C17orf78: variants seen among roughly 807,000 people sequenced by gnomAD.
C17orf78 encodes chromosome 17 open reading frame 78, also known as uncharacterized protein C17orf78.
In C17orf78, 27 loss-of-function variants were observed where a neutral mutation model predicts 31.8. The ratio of observed to expected loss-of-function variants is 0.85; its 90% CI spans 0.63 to 1.17. The LOEUF (loss-of-function observed/expected upper bound fraction) is 1.17. Among genes scored for constraint, C17orf78 ranks in the 50% most tolerant of loss-of-function variants. The pLI, the probability that C17orf78 is intolerant of heterozygous loss-of-function variation, is 0.00. For missense variants in C17orf78, 258 were observed against 315.2 expected (o/e 0.82, Z 1.37); for synonymous variants, 106 against 115.1 (o/e 0.92, Z 0.51).
At chr17:37,386,652 C>T (rs1376240214) in intron 4 of C17orf78, among the ~76,000 whole-genome samples, 1 of 152,066 alleles carries the variant, frequency 6.6e-6, no homozygotes, top group Non-Finnish European at 1.5e-5. Context: ...AATTTGACAC[C>T]ATCAATGATC....
At chr17:37,380,825 G>A (rs768928427) in intron 3 of C17orf78, among the ~76,000 whole-genome samples, 6 of 151,514 alleles carry the variant, frequency 4.0e-5, no homozygotes, top group Non-Finnish European at 8.8e-5. Context: ...TCTGATCTCT[G>A]ACCTCAAGTA....
intron 3 of C17orf78, among the ~76,000 whole-genome samples, chr17:37,383,228 A>G (rs1568084527): frequency 1.3e-5 from 2 of 152,164 alleles, no homozygotes; most frequent in Non-Finnish European, 1.5e-5. Context: ...AGTGCTAGGC[A>G]TTGTGAGACT....
Position 37,391,921 on chromosome 17 carries a change from A to G in C17orf78, c.*197A>G, listed in dbSNP as rs905861484. 1.7e-6 allele frequency: 1 copy of G among 590,634 alleles called. No homozygotes were observed. The highest frequency in any genetic ancestry group is 3.0e-6 in the Non-Finnish European group (1 of 332,212). 36.6% of individuals were successfully genotyped at this position (590,634 alleles called of 1,614,324 possible). A position where few individuals can be genotyped will look rare whatever the true frequency, so the allele number is the denominator to read the frequency against. On this transcript the variant is annotated 3_prime_UTR_variant, in exon 7 of 7. Coordinates refer to ENST00000615133, the MANE Select transcript of C17orf78 (RefSeq NM_173625.5). ...CCCTATCTGAGCCACAACCTTCTGT[A>G]ATTCACTTCATACATCCATCTAAAT...
intron 1 of C17orf78, among the ~76,000 whole-genome samples, chr17:37,376,397 T>G (rs2050003252): frequency 6.6e-6 from 1 of 152,228 alleles, no homozygotes; most frequent in African/African-American, 2.4e-5. Flanking sequence ...TTCATGTAAT[T>G]AACATTAAAA....
intron 3 of C17orf78, among the ~76,000 whole-genome samples, chr17:37,381,238 C>T (rs371424085): frequency 4.5e-4 from 68 of 151,698 alleles, no homozygotes; most frequent in South Asian, 1.7e-3. Flanking sequence ...CAGGCTGGAG[C>T]GCAGTGGCGC....
intron 2 of C17orf78, 135 bp downstream of exon 2, chr17:37,378,100 G>T (rs1295802260): frequency 7.9e-6 from 6 of 755,260 alleles, no homozygotes; most frequent in African/African-American, 3.6e-5. Flanking sequence ...CTCCCAGGGG[G>T]CTTTCTGGAA....
chr17:37,390,776 G>A (rs1049851290), intron 6 of C17orf78, among the ~76,000 whole-genome samples: 1 of 151,192 alleles, frequency 6.6e-6, no homozygotes. Context: ...CTGGGAAAAA[G>A]GGTGAGACCC....
At chr17:37,379,748 T>C (rs1480366576) in intron 3 of C17orf78, among the ~76,000 whole-genome samples, 7 of 150,090 alleles carry the variant, frequency 4.7e-5, no homozygotes, top group Admixed American at 2.7e-4. Flanking sequence ...CCAGTTAGAA[T>C]GGCAATCATT....
chr17:37,387,218 C>T (rs2050579087), intron 4 of C17orf78: 1 of 152,366 alleles, frequency 6.6e-6, no homozygotes, highest in Non-Finnish European at 1.5e-5. Context: ...CTCCTGGGTT[C>T]AAGCAATTCT....
rs2050897618 is a variant in C17orf78 at position 37,391,821 on chromosome 17, CA to C, written c.*98del. The C allele has an allele frequency of 8.2e-6, 9 of 1,095,794 alleles. No individual in the cohort carries two copies. Among genetic ancestry groups the C allele is most frequent in the Non-Finnish European group, 1.2e-5 (9 of 722,994 alleles). 67.9% of individuals were successfully genotyped at this position (1,095,794 alleles called of 1,614,324 possible). A position where few individuals can be genotyped will look rare whatever the true frequency, so the allele number is the denominator to read the frequency against. Reference sequence around the variant, plus strand: ...GCCAATTTCACACTTGTATCTTCAGCAGGGACATTACAATCAAACACCAATT... The same window carrying C: ...GCCAATTTCACACTTGTATCTTCAGCGGGACATTACAATCAAACACCAATT... On this transcript the variant is annotated 3_prime_UTR_variant, in exon 7 of 7. Coordinates refer to ENST00000615133, the MANE Select transcript of C17orf78 (RefSeq NM_173625.5).
chr17:37,389,175 C>A (rs1314298501), intron 5 of C17orf78, 71 bp from the exon 6 acceptor site: 7 of 1,513,126 alleles, frequency 4.6e-6, no homozygotes, highest in African/African-American at 1.4e-5. Context: ...AGTTGCCCAA[C>A]AAGAGGTTTG....
intron 6 of C17orf78, among the ~76,000 whole-genome samples, chr17:37,390,637 A>G (rs75573982): frequency 2.8e-5 from 4 of 141,702 alleles, no homozygotes; most frequent in South Asian, 4.6e-4. Flanking sequence ...AAAAAGAGAG[A>G]AAAAAAAAAA....
At chr17:37,386,778 C>T (rs1197898447) in intron 4 of C17orf78, 1 of 151,758 alleles carries the variant, frequency 6.6e-6, no homozygotes, top group Non-Finnish European at 1.5e-5. Flanking sequence ...TATTTAAACA[C>T]TAAGCAATTA....
intron 3 of C17orf78, among the ~76,000 whole-genome samples, chr17:37,382,493 G>GA (rs1308192143): frequency 1.3e-5 from 2 of 151,886 alleles, no homozygotes; most frequent in Non-Finnish European, 2.9e-5. Context: ...CAGAATAATG[G>GA]AAAAAACTTT....
chr17:37,385,886 C>A, intron 3 of C17orf78, 123 bp from the exon 4 acceptor site: 1 of 636,642 alleles, frequency 1.6e-6, no homozygotes, highest in Non-Finnish European at 2.7e-6. Context: ...AACCTATGGA[C>A]AGACAGGTTA....
chr17:37,381,979 C>A (rs1324739563), intron 3 of C17orf78, among the ~76,000 whole-genome samples: 1 of 152,154 alleles, frequency 6.6e-6, no homozygotes, highest in African/African-American at 2.4e-5. Context: ...TTGGTCGTTT[C>A]CAATCTTTTG....
intron 6 of C17orf78, among the ~76,000 whole-genome samples, chr17:37,389,594 G>A (rs2050701600): frequency 6.6e-6 from 1 of 152,052 alleles, no homozygotes; most frequent in African/African-American, 2.4e-5. Context: ...GGCTGAGGCA[G>A]GAGAATCGCT....
At chr17:37,386,825 CTT>C (rs112796389) in intron 4 of C17orf78, 29 of 144,512 alleles carry the variant, frequency 2.0e-4, no homozygotes, top group Admixed American at 3.5e-4. Flanking sequence ...TTTTCTTTTT[CTT>C]TTTTTTTTTT....
At position 37,379,346 on chromosome 17, in the gene C17orf78, T is replaced by C. The variant is rs767879099; in HGVS notation, c.355T>C (p.Ser119Pro). The C allele has an allele frequency of 1.5e-5, 24 of 1,613,744 alleles. No homozygotes were observed. The highest frequency in any genetic ancestry group is 1.9e-5 in the Non-Finnish European group (22 of 1,179,870). ...ASSSCHLIPT[S>P]KFQTGSLLKG... is the part of the protein sequence containing the mutation. ...CTCAAGCTGTCACCTAATCCCCACA[T>C]CCAAGTTTCAGACTGGATCTCTTCT... The change falls in exon 3 of 7, where the codon TCC becomes CCC. Residue 119 changes from serine to proline, a missense_variant. Transcript: ENST00000615133.
Sources: gnomAD v4.1 joint callset for allele counts (sites outside exome capture counted in the v4.1 genomes callset) on GRCh38, gnomAD v4.1.1 for gene constraint, MANE v1.5 for transcripts, NCBI Gene and HGNC (gene_info 2026-07-23, HGNC 2026-07-21) for gene names.